Variants in NMRAL1 observed in about 807,000 individuals in gnomAD.
NMRAL1 encodes nmrA-like family domain-containing protein 1.
A neutral mutation model predicts 27.5 loss-of-function variants in NMRAL1; 32 were observed. That is an observed-to-expected ratio of 1.16 (90% CI 0.88 to 1.56). The LOEUF (loss-of-function observed/expected upper bound fraction) is 1.56. Among genes scored for constraint, NMRAL1 ranks in the 40% most tolerant of loss-of-function variants. The pLI, the probability that NMRAL1 is intolerant of heterozygous loss-of-function variation, is 0.00. For synonymous variants in NMRAL1, 166 were observed against 166.8 expected (o/e 1.00, Z 0.04); for missense variants, 420 against 392.0 (o/e 1.07, Z -0.60).
intron 3 of NMRAL1, chr16:4,467,262 C>G (rs140203175): frequency 1.3e-5 from 2 of 152,346 alleles, no homozygotes; most frequent in Non-Finnish European, 2.9e-5. Flanking sequence ...AAGATGGACT[C>G]TCACTCTGTC....
chr16:4,466,030 G>A, intron 4 of NMRAL1, 123 bp downstream of exon 4: 1 of 1,171,992 alleles, frequency 8.5e-7, no homozygotes, highest in South Asian at 1.4e-5. Flanking sequence ...CTCAGTCCTG[G>A]GCCTAACGTG....
chr16:4,467,637 T>A (rs2057379107), intron 3 of NMRAL1, among the ~76,000 whole-genome samples: 1 of 151,896 alleles, frequency 6.6e-6, no homozygotes, highest in Non-Finnish European at 1.5e-5. Context: ...TTTTTGTTTT[T>A]GAGACAGAGT....
At chr16:4,475,113 G>C (rs182567035), upstream of NMRAL1, among the ~76,000 whole-genome samples, 1 of 151,752 alleles carries the variant, frequency 6.6e-6, no homozygotes, top group Admixed American at 6.6e-5. Flanking sequence ...CACCAAGCCC[G>C]GCTAATTTTT....
intron 2 of NMRAL1, among the ~76,000 whole-genome samples, chr16:4,471,619 CAAAA>C (rs997725293): frequency 5.1e-5 from 3 of 58,490 alleles, no homozygotes; most frequent in Admixed American, 2.0e-4. Flanking sequence ...GCCCTGTCTC[CAAAA>C]AAAAAAAAAA....
rs1350295523 is a variant in NMRAL1, at chr16:4,469,282, G to A, written c.224C>T (p.Thr75Ile). The change falls in exon 3 of 6, where the codon ACC (threonine) becomes ATC (isoleucine). Residue 75 changes from threonine to isoleucine, a missense_variant. Coordinates refer to ENST00000283429, the MANE Select transcript of NMRAL1 (RefSeq NM_020677.6). ...CTCCCAGTAATTGGTCACGATGAAG[G>A]TGGCGTAAGCCCCATTCAGGGCCAG... ...MELALNGAYA[T>I]FIVTNYWESC... is the part of the protein sequence containing the mutation. The A allele has an allele frequency of 3.1e-6, 5 of 1,614,154 alleles. No individual in the cohort carries two copies. Among genetic ancestry groups the A allele is most frequent in the East Asian group, 4.5e-5 (2 of 44,878 alleles).
At position 4,470,877 on chromosome 16, in the gene NMRAL1, G is replaced by A. The variant is rs182982954; in HGVS notation, c.41-1412C>T. 3.5e-3 allele frequency among the ~76,000 whole-genome samples: 529 copies of A among 151,772 alleles called. 2 individuals carry two copies. Among genetic ancestry groups the A allele is most frequent in the African/African-American group, 0.012 (502 of 41,382 alleles). On this transcript the variant is annotated intron_variant, in intron 2 of 5. Transcript: ENST00000283429. ...CAGGAGAATGGCATGAACCCAGGAG[G>A]TGGAGCTTGCAGTGAGCCGAGATCG...
chr16:4,469,565 C>T, intron 2 of NMRAL1, 100 bp from the exon 3 acceptor site: 1 of 1,549,480 alleles, frequency 6.5e-7, no homozygotes, highest in South Asian at 1.2e-5. Flanking sequence ...AAGGAGCATC[C>T]AGGAAACCTT....
chr16:4,472,404 T>C (rs1359180977), intron 2 of NMRAL1, among the ~76,000 whole-genome samples: 1 of 151,950 alleles, frequency 6.6e-6, no homozygotes, highest in Non-Finnish European at 1.5e-5. Flanking sequence ...ATCACACCAT[T>C]GCACTCCAGC....
chr16:4,471,585 C>T (rs527404235), intron 2 of NMRAL1: 1 of 143,014 alleles, frequency 7.0e-6, no homozygotes, highest in African/African-American at 2.7e-5. Flanking sequence ...CACCACTGCA[C>T]GCCAGCCTGG....
intron 2 of NMRAL1, 100 bp downstream of exon 2, chr16:4,473,993 G>C: frequency 2.3e-6 from 2 of 859,844 alleles, no homozygotes; most frequent in Non-Finnish European, 3.7e-6. Flanking sequence ...TGGGTCGGGG[G>C]TCCCAGTGAC....
intron 2 of NMRAL1, among the ~76,000 whole-genome samples, chr16:4,472,702 C>T (rs1208332577): frequency 6.7e-6 from 1 of 150,010 alleles, no homozygotes; most frequent in Non-Finnish European, 1.5e-5. Flanking sequence ...AGAGATCACG[C>T]CACTGCACTG....
rs374971730 is a variant in NMRAL1 at position 4,466,350 on chromosome 16, T to C, written c.332A>G (p.Tyr111Cys). ...ARRLGLHYVVYSGLENIKKLT... is the reference protein window; with the variant it reads ...ARRLGLHYVVCSGLENIKKLT... The stretch of plus-strand genomic sequence containing the variant: ...CTTCTTGATGTTCTCCAGGCCGCTG[T>C]AGACCACATAGTGGAGGCCCAGGCG... Residue 111 changes from tyrosine (Y) to cysteine (C), a missense_variant, in exon 4 of 6, where the codon TAC becomes TGC. Coordinates refer to ENST00000283429, the MANE Select transcript of NMRAL1 (RefSeq NM_020677.6). 1.2e-5 allele frequency: 19 copies of C among 1,613,558 alleles called. No homozygotes were observed. Among genetic ancestry groups the C allele is most frequent in the African/African-American group, 6.7e-5 (5 of 74,908 alleles).
chr16:4,461,728 C>T lies in NMRAL1; in HGVS notation c.*52G>A. The T allele has an allele frequency of 1.3e-6, 2 of 1,509,018 alleles. No individual in the cohort carries two copies. Among genetic ancestry groups the T allele is most frequent in the Non-Finnish European group, 1.8e-6 (2 of 1,114,298 alleles). 93.5% of individuals were successfully genotyped at this position (1,509,018 alleles called of 1,614,324 possible). A position where few individuals can be genotyped will look rare whatever the true frequency, so the allele number is the denominator to read the frequency against. ...AATGGCTTTATTCAGATGTTGGTGC[C>T]TCTGCCCCTCTGGTGCCCCCGATCC... On this transcript the variant is annotated 3_prime_UTR_variant, in exon 6 of 6. Transcript: ENST00000283429.
chr16:4,466,069 C>A, intron 4 of NMRAL1, 84 bp downstream of exon 4: 3 of 1,535,410 alleles, frequency 2.0e-6, no homozygotes, highest in East Asian at 2.3e-5. Context: ...CCTGGCACCA[C>A]GTGACAGCGG....
At chr16:4,462,484 T>C (rs929429326) in intron 5 of NMRAL1, among the ~76,000 whole-genome samples, 1 of 151,966 alleles carries the variant, frequency 6.6e-6, no homozygotes, top group African/African-American at 2.4e-5. Flanking sequence ...GTCTCAAAAA[T>C]GAATAAATAA....
At chr16:4,464,468 C>CT (rs1432042453) in intron 4 of NMRAL1, among the ~76,000 whole-genome samples, 1 of 152,148 alleles carries the variant, frequency 6.6e-6, no homozygotes, top group Non-Finnish European at 1.5e-5. Context: ...AGGCTGGCAA[C>CT]TGTCTGGGTG....
At position 4,466,307 on chromosome 16, in the gene NMRAL1, C is replaced by T. The variant is rs752832940; in HGVS notation, c.375G>A (p.Leu125=). 2 of 1,614,002 alleles carry T rather than the reference C, an allele frequency of 1.2e-6. No individual in the cohort carries two copies. The highest frequency in any genetic ancestry group is 1.7e-6 in the Non-Finnish European group (2 of 1,180,028). ...ENIKKLTAGR[L]AAAHFDGKGE... is the part of the protein sequence containing the mutation. ...CTTTGCCGTCAAAGTGCGCGGCGGC[C>T]AATCTCCCTGCCGTCAGCTTCTTGA... is the stretch of plus-strand genomic sequence containing the variant. The change falls in exon 4 of 6, where the codon TTG becomes TTA. Residue 125 remains leucine (L), a synonymous_variant. Coordinates refer to ENST00000283429, the MANE Select transcript of NMRAL1 (RefSeq NM_020677.6).
At chr16:4,469,532 C>T (rs941958056) in intron 2 of NMRAL1, 67 bp from the exon 3 acceptor site, 5 of 1,597,608 alleles carry the variant, frequency 3.1e-6, no homozygotes, top group Admixed American at 1.7e-5. Flanking sequence ...GGCGAAACCC[C>T]GAAGGGAGTG....
intron 2 of NMRAL1, 147 bp downstream of exon 2, chr16:4,473,946 C>A: frequency 1.7e-6 from 1 of 590,866 alleles, no homozygotes. Context: ...AATTGGAAAG[C>A]AATTTGGGCC....
Sources: allele counts gnomAD v4.1 joint callset (sites outside exome capture counted in the v4.1 genomes callset), GRCh38; gene constraint gnomAD v4.1.1; transcripts MANE v1.5; gene names NCBI Gene and HGNC (gene_info 2026-07-23, HGNC 2026-07-21).